Variants in LAMA3 observed in about 807,000 individuals in gnomAD.
The protein encoded by LAMA3 is laminin subunit alpha 3.
Under a neutral mutation model 402.0 loss-of-function variants are expected in LAMA3, and 281 were observed. The ratio of observed to expected loss-of-function variants is 0.70; its 90% CI spans 0.63 to 0.77. LAMA3 has a LOEUF of 0.77. LAMA3 is among the 30% of genes least tolerant of loss of function. The pLI is 0.00. For missense variants in LAMA3, 3,840 were observed against 4,215.5 expected (o/e 0.91, Z 2.47); for synonymous variants, 1,431 against 1,558.4 (o/e 0.92, Z 1.93).
intron 7 of LAMA3, among the ~76,000 whole-genome samples, chr18:23,763,186 A>G (rs146778996): frequency 1.4e-3 from 210 of 152,166 alleles, no homozygotes; most frequent in Non-Finnish European, 2.5e-3. Flanking sequence ...AAAAAAGAGA[A>G]ACTTCGCTCA....
At chr18:23,867,688 T>C (rs2064397159) in intron 36 of LAMA3, 146 bp from the exon 37 acceptor site, 1 of 717,988 alleles carries the variant, frequency 1.4e-6, no homozygotes, top group Middle Eastern at 2.9e-4. Flanking sequence ...GTCACTAATA[T>C]TTTTACCAGT....
chr18:23,694,115 C>A (rs1380551453), intron 1 of LAMA3, among the ~76,000 whole-genome samples: 1 of 152,202 alleles, frequency 6.6e-6, no homozygotes, highest in Admixed American at 6.5e-5. Flanking sequence ...GTCCCATGTG[C>A]CCTGCCAGTT....
At chr18:23,908,641 G>A (rs1314173748) in intron 54 of LAMA3, among the ~76,000 whole-genome samples, 1 of 149,248 alleles carries the variant, frequency 6.7e-6, no homozygotes, top group Non-Finnish European at 1.5e-5. Context: ...TACCTAGATT[G>A]CAGAATACAA....
intron 11 of LAMA3, among the ~76,000 whole-genome samples, chr18:23,781,440 A>G (rs2062435985): frequency 6.6e-6 from 1 of 152,228 alleles, no homozygotes; most frequent in Non-Finnish European, 1.5e-5. Context: ...AGACAGATTA[A>G]CAGTAAAAAA....
At chr18:23,914,260 T>G (rs2081532531) in intron 56 of LAMA3, 150 bp from the exon 57 acceptor site, 2 of 756,796 alleles carry the variant, frequency 2.6e-6, no homozygotes, top group Admixed American at 2.1e-5. Flanking sequence ...TTCTATATTA[T>G]TCTATAAAAT....
intron 4 of LAMA3, 111 bp from the exon 5 acceptor site, chr18:23,750,807 T>C (rs1206327799): frequency 6.2e-6 from 7 of 1,130,682 alleles, no homozygotes; most frequent in Non-Finnish European, 9.4e-6. Context: ...GAATATCAAA[T>C]GGCTCAAAGA....
chr18:23,736,192 A>G (rs753021901), intron 2 of LAMA3, among the ~76,000 whole-genome samples: 5 of 151,400 alleles, frequency 3.3e-5, no homozygotes, highest in Non-Finnish European at 7.4e-5. Context: ...CAGATTCTGC[A>G]CTCTAAACCA....
At chr18:23,765,924 G>T (rs2062066341) in intron 8 of LAMA3, among the ~76,000 whole-genome samples, 1 of 151,948 alleles carries the variant, frequency 6.6e-6, no homozygotes, top group Middle Eastern at 3.4e-3. Context: ...AGAAGAGAAA[G>T]AAAAATATAT....
At chr18:23,822,124 T>C in intron 19 of LAMA3, 128 bp from the exon 20 acceptor site, 1 of 923,052 alleles carries the variant, frequency 1.1e-6, no homozygotes. Flanking sequence ...AGTGTGAGTG[T>C]GTATGTGTGT....
chr18:23,763,267 A>G, intron 7 of LAMA3, 138 bp from the exon 8 acceptor site: 1 of 672,532 alleles, frequency 1.5e-6, no homozygotes, highest in Non-Finnish European at 2.7e-6. Context: ...AGATCCCTAA[A>G]AATTTTCCCC....
intron 38 of LAMA3, among the ~76,000 whole-genome samples, chr18:23,872,252 T>C (rs569014103): frequency 9.8e-5 from 15 of 152,308 alleles, no homozygotes; most frequent in African/African-American, 3.6e-4. Context: ...TTCCAGAGAA[T>C]ATCCTGGATT....
chr18:23,876,626 A>C (rs1287627421), intron 39 of LAMA3, among the ~76,000 whole-genome samples: 2 of 152,226 alleles, frequency 1.3e-5, no homozygotes, highest in Non-Finnish European at 2.9e-5. Context: ...CTGTCTGAGC[A>C]ATTAAGTTAC....
chr18:23,789,177 G>A (rs1029951671), intron 12 of LAMA3, among the ~76,000 whole-genome samples: 1 of 152,068 alleles, frequency 6.6e-6, no homozygotes, highest in African/African-American at 2.4e-5. Flanking sequence ...AATAACAAGC[G>A]TTGGCAAGGA....
In LAMA3 at chr18:23,815,587, T is replaced by C. The variant is rs374014282; in HGVS notation, c.2047+14T>C. On this transcript the variant is annotated intron_variant, in intron 17 of 74. Coordinates refer to ENST00000313654, the MANE Select transcript of LAMA3 (RefSeq NM_198129.4). The stretch of plus-strand genomic sequence containing the variant: ...TTGGGTGTCAAGGTAAATAAGTCCA[T>C]TGGGCCCTGAGCAAAGCACAGTGTT... The C allele has an allele frequency of 2.2e-5, 34 of 1,546,660 alleles. No homozygotes were observed. Among genetic ancestry groups the C allele is most frequent in the Middle Eastern group, 1.7e-4 (1 of 5,944 alleles).
intron 10 of LAMA3, among the ~76,000 whole-genome samples, chr18:23,776,881 C>T (rs534166867): frequency 3.7e-4 from 54 of 144,598 alleles, no homozygotes; most frequent in African/African-American, 1.3e-3. Flanking sequence ...GCTCTTGTTG[C>T]CCAGGCTGGA....
intron 27 of LAMA3, 60 bp from the exon 28 acceptor site, chr18:23,842,335 A>T: frequency 6.9e-6 from 11 of 1,599,564 alleles, no homozygotes; most frequent in Non-Finnish European, 9.4e-6. Context: ...GATTCCAGTT[A>T]TTCATAGCTC....
chr18:23,853,887 C>T (rs561769011), intron 32 of LAMA3, among the ~76,000 whole-genome samples: 5 of 152,328 alleles, frequency 3.3e-5, no homozygotes, highest in African/African-American at 9.6e-5. Context: ...CCTCTTCCTT[C>T]CCTATTGTCA....
intron 64 of LAMA3, 106 bp downstream of exon 64, chr18:23,928,871 T>C (rs2082082942): frequency 9.3e-7 from 1 of 1,069,630 alleles, no homozygotes; most frequent in Non-Finnish European, 1.4e-6. Flanking sequence ...ACATTTTTTC[T>C]ATCATCACAC....
chr18:23,842,611 G>C lies in LAMA3; in HGVS notation c.3464G>C (p.Gly1155Ala), dbSNP rs138043403. Residue 1155 changes from glycine to alanine, a missense_variant and splice_region_variant, in exon 29 of 75, where the codon GGC becomes GCC. Physicochemically the swap from Gly to Ala is moderately conservative, Grantham distance 60. Around this residue, in one of 3 missense-constraint regions of LAMA3, gnomAD observed 2,109 missense variants for 2,376.0 expected, o/e 0.89. Transcript: ENST00000313654. ...VSVDGGWPRA[G>A]SFHASFCPHV... The stretch of plus-strand genomic sequence containing the variant: ...GAAAGTCTCTCTCTCTCTCTGCCAG[G>C]CTCCTTCCATGCCTCTTTTTGCCCC... The C allele has an allele frequency of 2.5e-5, 40 of 1,614,188 alleles. No homozygotes were observed. The East Asian group carries it at 7.8e-4, about 31-fold the overall frequency.
Sources: gnomAD v4.1 joint callset for allele counts (sites outside exome capture counted in the v4.1 genomes callset) on GRCh38, gnomAD v4.1.1 for gene constraint, gnomAD v4.1.1 regional missense constraint, MANE v1.5 for transcripts, NCBI Gene and HGNC (gene_info 2026-07-23, HGNC 2026-07-21) for gene names.